Variants in DDX60L observed in about 807,000 individuals in gnomAD.
DDX60L encodes the protein DExD/H-box 60 like.
DDX60L carries 191 observed loss-of-function variants against 211.6 expected under a neutral mutation model. The observed-to-expected ratio is 0.90, with a 90% CI of 0.80 to 1.02. The LOEUF (loss-of-function observed/expected upper bound fraction) is 1.02, where lower values mean the gene tolerates loss of function less well. Ranked by LOEUF, DDX60L falls within the 50% of genes least tolerant of loss-of-function variation. The pLI, the probability that DDX60L is intolerant of heterozygous loss-of-function variation, is 0.00. For synonymous variants in DDX60L, 706 were observed against 694.1 expected, an observed-to-expected ratio of 1.02 and a Z score of -0.27; for missense variants, 2,007 against 1,984.1, an observed-to-expected ratio of 1.01 and a Z score of -0.22.
intron 36 of DDX60L, among the ~76,000 whole-genome samples, chr4:168,364,598 CT>C (rs1028163357): frequency 2.4e-4 from 36 of 152,256 alleles, no homozygotes; most frequent in Admixed American, 1.0e-3. Flanking sequence ...CTAGGCTGGT[CT>C]TGAACTCCTG....
intron 37 of DDX60L, among the ~76,000 whole-genome samples, chr4:168,358,588 C>T (rs1200649521): frequency 2.2e-5 from 3 of 135,324 alleles, no homozygotes; most frequent in Admixed American, 8.7e-5. Flanking sequence ...AGTGCAGTGG[C>T]GTGATCTGAT....
chr4:168,386,320 A>C (rs1455432149), intron 29 of DDX60L, among the ~76,000 whole-genome samples: 2 of 152,156 alleles, frequency 1.3e-5, no homozygotes, highest in Admixed American at 1.3e-4. Context: ...AATGAAATTT[A>C]AAAAGTGTGC....
In DDX60L at chr4:168,422,565, G is replaced by C. The variant is rs368325037; in HGVS notation, c.2203C>G (p.Arg735Gly). The C allele has an allele frequency of 1.2e-6, 2 of 1,613,196 alleles. No individual in the cohort carries two copies. The highest frequency in any genetic ancestry group is 3.3e-4 in the Middle Eastern group (2 of 6,058). ...HYLIRDERKD[R>G]DPRVQDFIPN... The stretch of plus-strand genomic sequence containing the variant: ...ATAAAATCCTGGACCCTGGGATCCC[G>C]ATCTTTTCTTTCATCTCTTATCAAG... The change falls in exon 16 of 38, where the codon CGG becomes GGG. Residue 735 changes from arginine to glycine, a missense_variant. By Grantham distance (125) the Arg-to-Gly change is moderately radical (BLOSUM62 -2). Transcript: ENST00000682922.
At chr4:168,446,396 G>A (rs1161979014) in intron 9 of DDX60L, among the ~76,000 whole-genome samples, 1 of 152,138 alleles carries the variant, frequency 6.6e-6, no homozygotes, top group Non-Finnish European at 1.5e-5. Context: ...CAAACAAATG[G>A]AAGAACATTC....
intron 5 of DDX60L, among the ~76,000 whole-genome samples, chr4:168,460,834 T>C (rs1757229998): frequency 6.6e-6 from 1 of 152,144 alleles, no homozygotes; most frequent in African/African-American, 2.4e-5. Flanking sequence ...CAGCTACAAA[T>C]CTGGGGTTCC....
In DDX60L at chr4:168,432,436, T is replaced by C. The variant is rs779998349; in HGVS notation, c.1516+19A>G. The C allele has an allele frequency of 1.4e-6, 2 of 1,412,524 alleles. No homozygotes were observed. The highest frequency in any genetic ancestry group is 4.1e-5 in the Admixed American group (2 of 48,238). The allele number at this position is 1,412,524 out of a possible 1,614,324, so 87.5% of individuals were successfully genotyped here. A position where few individuals can be genotyped will look rare whatever the true frequency, so the allele number is the denominator to read the frequency against. ...GGCAATTCATATAAGCTCTATTTTA[T>C]CGTGGTTACAGAGCTCACCATCAAC... On this transcript the variant is annotated intron_variant, in intron 12 of 37. Coordinates refer to ENST00000682922, the MANE Select transcript of DDX60L (RefSeq NM_001012967.3).
chr4:168,478,655 A>C (rs780734330), intron 1 of DDX60L, among the ~76,000 whole-genome samples: 3 of 152,220 alleles, frequency 2.0e-5, no homozygotes, highest in Non-Finnish European at 4.4e-5. Context: ...ATTTTATTAA[A>C]AGCCATAAAG....
chr4:168,394,755 A>C (rs1745476375), intron 27 of DDX60L, 138 bp from the exon 28 acceptor site: 3 of 714,994 alleles, frequency 4.2e-6, no homozygotes, highest in Non-Finnish European at 6.6e-6. Flanking sequence ...CCCTGAACCT[A>C]CATGTTTTAT....
intron 37 of DDX60L, among the ~76,000 whole-genome samples, chr4:168,358,531 T>TTA (rs1738539119): frequency 7.0e-6 from 1 of 142,628 alleles, no homozygotes; most frequent in African/African-American, 2.5e-5. Context: ...TTTCTTTTTT[T>TTA]TTTTTTTTTT....
Position 168,434,004 on chromosome 4 carries a change from T to C in DDX60L, c.1295-889A>G, listed in dbSNP as rs558738596. On this transcript the variant is annotated intron_variant, in intron 10 of 37. Coordinates refer to ENST00000682922, the MANE Select transcript of DDX60L (RefSeq NM_001012967.3). The stretch of plus-strand genomic sequence containing the variant: ...TGCTTTTATTGTTATTGTGGAGAAG[T>C]CTGCTAGCAATTTAACTTTTATGTC... 6.6e-5 allele frequency among the ~76,000 whole-genome samples: 10 copies of C among 152,312 alleles called. No individual in the cohort carries two copies. In the East Asian group the frequency reaches 1.5e-3, roughly 23 times the overall value.
At chr4:168,419,503 TTAAGA>T (rs1165352228) in intron 18 of DDX60L, 106 bp from the exon 19 acceptor site, 5 of 653,512 alleles carry the variant, frequency 7.7e-6, no homozygotes, top group African/African-American at 7.4e-5. Context: ...AGCAGTTTCA[TTAAGA>T]TAATATTGCA....
At chr4:168,468,842 T>A (rs1758362336) in intron 4 of DDX60L, 1 of 152,134 alleles carries the variant, frequency 6.6e-6, no homozygotes, top group African/African-American at 2.4e-5. Context: ...AACTAAAAAA[T>A]TATTTTTAAA....
At chr4:168,408,808 G>C (rs2149808299) in intron 22 of DDX60L, among the ~76,000 whole-genome samples, 1 of 152,222 alleles carries the variant, frequency 6.6e-6, no homozygotes, top group East Asian at 1.9e-4. Context: ...CCTTAGCCCA[G>C]GAACAAGCCA....
chr4:168,376,158 T>C (rs1741908123), intron 33 of DDX60L, among the ~76,000 whole-genome samples: 1 of 152,232 alleles, frequency 6.6e-6, no homozygotes, highest in African/African-American at 2.4e-5. Context: ...GAGTTAGAAA[T>C]AGCTATGACA....
At chr4:168,379,654 A>C (rs746729525) in intron 31 of DDX60L, 72 bp downstream of exon 31, 2 of 1,308,618 alleles carry the variant, frequency 1.5e-6, no homozygotes. Flanking sequence ...TAGAAATTTC[A>C]GTTGGTTTAG....
At chr4:168,384,076 C>G (rs1427836615) in intron 30 of DDX60L, among the ~76,000 whole-genome samples, 1 of 152,208 alleles carries the variant, frequency 6.6e-6, no homozygotes, top group Non-Finnish European at 1.5e-5. Context: ...ACTTCCTGCC[C>G]TTGAGCATCA....
chr4:168,424,118 T>C (rs551227896), intron 14 of DDX60L, among the ~76,000 whole-genome samples: 2 of 152,192 alleles, frequency 1.3e-5, no homozygotes, highest in African/African-American at 4.8e-5. Flanking sequence ...ATAACCCACA[T>C]ATTATTTGTG....
intron 17 of DDX60L, among the ~76,000 whole-genome samples, chr4:168,420,637 C>T (rs1403527496): frequency 6.6e-5 from 6 of 90,500 alleles, no homozygotes; most frequent in African/African-American, 8.8e-5. Context: ...CACACACACA[C>T]ACATGAGATA....
In DDX60L at chr4:168,373,790, C is replaced by T. The variant is rs1366916783; in HGVS notation, c.4652G>A (p.Cys1551Tyr). ...LSRIKFTGKECEDSQLVSHLM... is the reference protein window; with the variant it reads ...LSRIKFTGKEYEDSQLVSHLM... ...GTGAGACACGAGTTGGGAGTCTTCA[C>T]ATTCTTTACCTGTGAATTCTGACCA... The change falls in exon 35 of 38, where the codon TGT becomes TAT. Residue 1551 changes from cysteine to tyrosine, a missense_variant. Physicochemically the swap from Cys to Tyr is radical, Grantham distance 194 (BLOSUM62 -2). Transcript: ENST00000682922. 7 of 1,613,628 alleles carry T rather than the reference C, an allele frequency of 4.3e-6. No homozygotes were observed. Among genetic ancestry groups the T allele is most frequent in the East Asian group, 2.2e-5 (1 of 44,876 alleles).
Sources: allele counts gnomAD v4.1 joint callset (sites outside exome capture counted in the v4.1 genomes callset), GRCh38; gene constraint gnomAD v4.1.1; transcripts MANE v1.5; gene names NCBI Gene and HGNC (gene_info 2026-07-23, HGNC 2026-07-21).